Variants in MBP observed in about 807,000 individuals in gnomAD.
MBP encodes the protein Golli-MBP.
Under a neutral mutation model 35.8 loss-of-function variants are expected in MBP, and 16 were observed. That is an observed-to-expected ratio of 0.45 (90% CI 0.30 to 0.68). The LOEUF (loss-of-function observed/expected upper bound fraction) is 0.68, where lower values mean the gene tolerates loss of function less well. MBP is among the 30% of genes least tolerant of loss of function. The pLI is 0.08. For synonymous variants in MBP, 143 were observed against 159.6 expected, an observed-to-expected ratio of 0.90 and a Z score of 0.78; for missense variants, 380 against 404.7, an observed-to-expected ratio of 0.94 and a Z score of 0.52.
intron 4 of MBP, among the ~76,000 whole-genome samples, chr18:77,009,180 A>C (rs1354958361): frequency 6.6e-6 from 1 of 152,198 alleles, no homozygotes; most frequent in Non-Finnish European, 1.5e-5. Flanking sequence ...CGGCAGTGCC[A>C]GCTCTGGGCT....
intron 3 of MBP, among the ~76,000 whole-genome samples, chr18:77,045,527 T>C (rs568457004): frequency 6.6e-6 from 1 of 152,362 alleles, no homozygotes; most frequent in Non-Finnish European, 1.5e-5. Flanking sequence ...GACATTTGCA[T>C]GTGTCTCCGA....
At chr18:77,080,817 G>A (rs185939425) in intron 2 of MBP, among the ~76,000 whole-genome samples, 10 of 152,162 alleles carry the variant, frequency 6.6e-5, no homozygotes, top group Non-Finnish European at 1.5e-4. Flanking sequence ...CCGAGTAGCT[G>A]GATTACAGGT....
chr18:77,079,979 G>A (rs1974826166), intron 2 of MBP, among the ~76,000 whole-genome samples: 1 of 152,156 alleles, frequency 6.6e-6, no homozygotes, highest in Non-Finnish European at 1.5e-5. Context: ...AAGTCTACTA[G>A]TATTTTATGT....
chr18:77,095,073 C>T (rs968137716), intron 2 of MBP, among the ~76,000 whole-genome samples: 2 of 152,132 alleles, frequency 1.3e-5, no homozygotes, highest in Non-Finnish European at 2.9e-5. Flanking sequence ...ACTAAGAGAT[C>T]GTCTAATATT....
intron 1 of MBP, among the ~76,000 whole-genome samples, chr18:77,108,014 T>A (rs1381602519): frequency 1.3e-5 from 2 of 152,158 alleles, no homozygotes; most frequent in African/African-American, 4.8e-5. Flanking sequence ...GAGCCGTTAG[T>A]GGAAATGGCC....
At chr18:76,987,735 T>G in intron 7 of MBP, 1 of 995,118 alleles carries the variant, frequency 1.0e-6, no homozygotes, top group South Asian at 4.3e-5. Flanking sequence ...ATTCTAAAAT[T>G]ATAACTTTTA....
At chr18:77,056,501 C>T (rs1015643835) in intron 3 of MBP, among the ~76,000 whole-genome samples, 1 of 152,158 alleles carries the variant, frequency 6.6e-6, no homozygotes, top group African/African-American at 2.4e-5. Context: ...AAGATAACAC[C>T]CTCAGCTCCC....
intron 7 of MBP, chr18:76,987,105 T>C: frequency 1.0e-6 from 1 of 985,514 alleles, no homozygotes; most frequent in Non-Finnish European, 1.2e-6. Flanking sequence ...AGGGTCTTTC[T>C]TGTTAGCTGC....
At chr18:77,094,038 G>A (rs182352131) in intron 2 of MBP, among the ~76,000 whole-genome samples, 243 of 150,752 alleles carry the variant, frequency 1.6e-3, no homozygotes, top group African/African-American at 5.6e-3. Flanking sequence ...GTGCAGTGGT[G>A]CAATCTCGGC....
chr18:76,979,307 CGG>C lies in MBP; in HGVS notation c.*1118_*1119del, dbSNP rs1428247667. On this transcript the variant is annotated 3_prime_UTR_variant, in exon 9 of 9. Coordinates refer to ENST00000355994, the MANE Select transcript of MBP (RefSeq NM_001025101.2). ...CAGAAGAGCTCTTTGTCTCCATCCA[CGG>C]GGCCGTCTGCTCAGCCCGTGTGTCT... The C allele has an allele frequency of 6.6e-6, 1 of 151,708 alleles. No individual in the cohort carries two copies. The highest frequency in any genetic ancestry group is 2.4e-5 in the African/African-American group (1 of 41,198). 9.4% of individuals were successfully genotyped at this position (151,708 alleles called of 1,614,324 possible).
chr18:76,986,945 G>T, intron 7 of MBP: 1 of 985,434 alleles, frequency 1.0e-6, no homozygotes. Flanking sequence ...GAAAGTGGGG[G>T]CTCTCTGGAA....
chr18:77,068,924 GCCA>G, intron 2 of MBP: 1 of 457,430 alleles, frequency 2.2e-6, no homozygotes, highest in Non-Finnish European at 4.4e-6. Context: ...AGCAGCAGCC[GCCA>G]CCACGGAGCT....
chr18:77,100,624 C>T (rs1005388063), intron 2 of MBP, among the ~76,000 whole-genome samples: 1 of 151,818 alleles, frequency 6.6e-6, no homozygotes, highest in Non-Finnish European at 1.5e-5. Context: ...GATCATGGCT[C>T]ACCGTAGCCT....
At chr18:76,980,535 C>T in intron 8 of MBP, 64 bp from the exon 9 acceptor site, 2 of 1,301,076 alleles carry the variant, frequency 1.5e-6, no homozygotes, top group Admixed American at 1.7e-5. Flanking sequence ...CCAGCATCCC[C>T]TCTTCTGTGG....
Position 77,098,605 on chromosome 18 carries a change from G to A in MBP, c.51+6606C>T, listed in dbSNP as rs554811862. Among the ~76,000 whole-genome samples the A allele has an allele frequency of 3.9e-5, 6 of 152,286 alleles. No individual in the cohort carries two copies. The East Asian group carries it at 9.6e-4, about 24-fold the overall frequency. On this transcript the variant is annotated intron_variant, in intron 2 of 8. Coordinates refer to ENST00000355994, the MANE Select transcript of MBP (RefSeq NM_001025101.2). Reference sequence around the variant, plus strand: ...GGCTGTGTGTTGTCAGAGAAAATTCGTGGCAAGACAGCTTGATAAATGTCA... The same window carrying A: ...GGCTGTGTGTTGTCAGAGAAAATTCATGGCAAGACAGCTTGATAAATGTCA...
chr18:77,105,227 G>A lies in MBP; in HGVS notation c.35C>T (p.Ala12Val), dbSNP rs747162845. Reference sequence around the variant, plus strand: ...ACGTCTTACCGTACTGGCCTTCTCGGCATTTAATTCTCGTTTGCCTGCGTG... The same window carrying A: ...ACGTCTTACCGTACTGGCCTTCTCGACATTTAATTCTCGTTTGCCTGCGTG... ...GNHAGKRELN[A>V]EKASTNSETN... The change falls in exon 2 of 9, where the codon GCC becomes GTC. Residue 12 changes from alanine (A) to valine (V), a missense_variant. Coordinates refer to ENST00000355994, the MANE Select transcript of MBP (RefSeq NM_001025101.2). The A allele has an allele frequency of 2.2e-5, 35 of 1,612,502 alleles. No homozygotes were observed. Among genetic ancestry groups the A allele is most frequent in the Non-Finnish European group, 3.0e-5 (35 of 1,178,938 alleles).
rs6146398 is a variant in MBP at position 77,112,169 on chromosome 18, G to GCACACACACACACACACACACACACA, written c.-25-6884_-25-6883insTGTGTGTGTGTGTGTGTGTGTGTGTG. Among the ~76,000 whole-genome samples, 13 of 150,994 alleles carry GCACACACACACACACACACACACACA rather than the reference G, an allele frequency of 8.6e-5. No individual in the cohort carries two copies. The South Asian group carries it at 1.9e-3, about 22-fold the overall frequency. On this transcript the variant is annotated intron_variant, in intron 1 of 8. Transcript: ENST00000355994. ...CCCGTAGAATGAACACCGTGCACAC[G>GCACACACACACACACACACACACACA]CACACACACACACACACACACGTGC... is the stretch of plus-strand genomic sequence containing the variant.
intron 3 of MBP, among the ~76,000 whole-genome samples, chr18:77,040,035 T>C (rs941671657): frequency 2.0e-5 from 3 of 152,184 alleles, no homozygotes; most frequent in African/African-American, 7.2e-5. Context: ...ACTTTATTGG[T>C]ACAAAATCAC....
intron 7 of MBP, chr18:76,986,475 C>CT: frequency 1.0e-6 from 1 of 985,536 alleles, no homozygotes; most frequent in African/African-American, 1.7e-5. Context: ...ACCATACAAG[C>CT]TACTTGCACA....
Sources: allele counts gnomAD v4.1 joint callset (sites outside exome capture counted in the v4.1 genomes callset), GRCh38; gene constraint gnomAD v4.1.1; transcripts MANE v1.5; gene names NCBI Gene and HGNC (gene_info 2026-07-23, HGNC 2026-07-21).